The following KIF1B variants were observed in gnomAD, a reference collection of about 807,000 sequenced individuals.
KIF1B encodes the protein kinesin family member 1B, also known as kinesin-like protein KIF1B.
In KIF1B, 76 loss-of-function variants were observed where a neutral mutation model predicts 241.9. That is an observed-to-expected ratio of 0.31 (90% CI 0.26 to 0.38). The LOEUF is 0.38. Among genes scored for constraint, KIF1B ranks in the 10% least tolerant of loss-of-function variants. KIF1B has a pLI of 1.00. For synonymous variants in KIF1B, 750 were observed against 796.7 expected (o/e 0.94, Z 0.99); for missense variants, 1,622 against 2,271.4 (o/e 0.71, Z 5.81).
At chr1:10,229,149 T>G (rs1271657325) in intron 1 of KIF1B, among the ~76,000 whole-genome samples, 1 of 152,166 alleles carries the variant, frequency 6.6e-6, no homozygotes, top group East Asian at 1.9e-4. Flanking sequence ...CTCCATTGAT[T>G]GGGAAGGTTA....
intron 22 of KIF1B, chr1:10,305,443 A>T: frequency 9.4e-7 from 1 of 1,058,212 alleles, no homozygotes; most frequent in Non-Finnish European, 1.1e-6. Flanking sequence ...ATTCACCAAA[A>T]TCATGCCAAC....
intron 10 of KIF1B, among the ~76,000 whole-genome samples, chr1:10,273,855 A>G (rs1034182584): frequency 2.6e-5 from 4 of 151,326 alleles, no homozygotes; most frequent in African/African-American, 9.7e-5. Context: ...CTTGGATTAT[A>G]CCAGGACTGA....
intron 1 of KIF1B, among the ~76,000 whole-genome samples, chr1:10,213,737 G>T (rs535278150): frequency 1.3e-5 from 2 of 152,292 alleles, no homozygotes; most frequent in Admixed American, 6.5e-5. Flanking sequence ...TCTGGATTCT[G>T]TGAAACAGTG....
In KIF1B at chr1:10,297,006, G is replaced by T; in HGVS notation, c.1971G>T (p.Val657=). ...CTGCTGAGACCCCCTCTGAGCCTGT[G>T]GACTGGACATTTGCCCAGAGGGAGC... ...TPSAETPSEP[V]DWTFAQRELL... The change falls in exon 21 of 49, where the codon GTG becomes GTT. Residue 657 remains valine (V), a synonymous_variant. Transcript: ENST00000676179. 1 of 1,614,020 alleles carries T rather than the reference G, an allele frequency of 6.2e-7. No individual in the cohort carries two copies. Among genetic ancestry groups the T allele is most frequent in the Non-Finnish European group, 8.5e-7 (1 of 1,179,966 alleles).
intron 2 of KIF1B, among the ~76,000 whole-genome samples, chr1:10,233,724 T>C (rs1647012451): frequency 6.6e-6 from 1 of 151,246 alleles, no homozygotes; most frequent in Admixed American, 6.6e-5. Flanking sequence ...TTTTTTTTTT[T>C]CTTTTTTGAG....
chr1:10,256,401 C>A, intron 3 of KIF1B, 78 bp downstream of exon 3: 1 of 968,394 alleles, frequency 1.0e-6, no homozygotes, highest in Non-Finnish European at 1.7e-6. Context: ...TTTCTCTTAG[C>A]TGAGCAGATC....
At chr1:10,250,318 C>T (rs1647366662) in intron 2 of KIF1B, among the ~76,000 whole-genome samples, 1 of 151,636 alleles carries the variant, frequency 6.6e-6, no homozygotes, top group Admixed American at 6.6e-5. Context: ...TCGTAAAAAA[C>T]ACCTAAATAC....
intron 1 of KIF1B, among the ~76,000 whole-genome samples, chr1:10,229,135 C>T (rs1646946114): frequency 1.3e-5 from 2 of 152,052 alleles, no homozygotes; most frequent in South Asian, 4.1e-4. Flanking sequence ...GAATATAAGT[C>T]ATGCTCCATT....
intron 12 of KIF1B, among the ~76,000 whole-genome samples, chr1:10,277,281 T>TA (rs561759889): frequency 0.02 from 2,858 of 141,526 alleles, 37 homozygotes; most frequent in Non-Finnish European, 0.029. Context: ...CTCTGTCTCT[T>TA]AAAAAAAAAA....
Position 10,339,832 on chromosome 1 carries a change from T to C in KIF1B, c.3486T>C (p.Ser1162=). ...TEPLKNNGRG[S]PLAFYHVQNI... ...CCCTCAAAAACAATGGCAGAGGAAG[T>C]CCCCTGGCCTTTTATCATGTGCAGA... Residue 1162 remains serine (S), a synonymous_variant, in exon 32 of 49, where the codon AGT becomes AGC. Transcript: ENST00000676179. 6.2e-7 allele frequency: 1 copy of C among 1,614,082 alleles called. No homozygotes were observed. The highest frequency in any genetic ancestry group is 8.5e-7 in the Non-Finnish European group (1 of 1,179,966).
chr1:10,251,791 T>C (rs1647465730), intron 2 of KIF1B, among the ~76,000 whole-genome samples: 1 of 152,082 alleles, frequency 6.6e-6, no homozygotes, highest in South Asian at 2.1e-4. Context: ...TGCAGAGGCT[T>C]AAAAGTTTTT....
At chr1:10,214,340 A>G (rs1646734128) in intron 1 of KIF1B, among the ~76,000 whole-genome samples, 1 of 150,740 alleles carries the variant, frequency 6.6e-6, no homozygotes, top group African/African-American at 2.4e-5. Flanking sequence ...CCCAGGCTGG[A>G]GTGCATTGGT....
chr1:10,364,456 A>C (rs1329661888), intron 41 of KIF1B, among the ~76,000 whole-genome samples: 1 of 151,704 alleles, frequency 6.6e-6, no homozygotes, highest in South Asian at 2.1e-4. Flanking sequence ...AGCCCACCTC[A>C]GCCTCCCAAA....
At position 10,374,329 on chromosome 1, in the gene KIF1B, A is replaced by G. The variant is rs759619311; in HGVS notation, c.4960A>G (p.Asn1654Asp). Residue 1654 changes from asparagine to aspartate, a missense_variant, in exon 46 of 49, where the codon AAT (asparagine) becomes GAT (aspartate). Around this residue, in one of 7 missense-constraint regions of KIF1B, gnomAD observed 357 missense variants for 409.0 expected, o/e 0.87. Transcript: ENST00000676179. This position sits in a 1 kb window ranked among gnomAD's most constrained non-coding sequence, Gnocchi z 4.3. ...NSLDQKTPEA[N>D]SRASSPCPEF... ...TCTATTTTAAAGGACCCCAGAAGCCAATTCCCGGGCCTCTAGTCCCTGCCC... is the reference window on the plus strand; with the variant it reads ...TCTATTTTAAAGGACCCCAGAAGCCGATTCCCGGGCCTCTAGTCCCTGCCC... 1.9e-6 allele frequency: 3 copies of G among 1,614,134 alleles called. No homozygotes were observed. The South Asian group carries it at 3.3e-5, about 18-fold the overall frequency.
Position 10,337,279 on chromosome 1 carries a change from G to T in KIF1B, c.3259+76G>T. ...ATATTGACCATTATCAAGGGACATA[G>T]TGGCCTTCATCAACTAGGAATGGAA... is the stretch of plus-strand genomic sequence containing the variant. On this transcript the variant is annotated intron_variant, in intron 30 of 48. Coordinates refer to ENST00000676179, the MANE Select transcript of KIF1B (RefSeq NM_001365951.3). The surrounding 1 kb of genome is among the most constrained non-coding windows in gnomAD (Gnocchi z 4.0). 1.9e-6 allele frequency: 3 copies of T among 1,612,152 alleles called. No homozygotes were observed. The highest frequency in any genetic ancestry group is 2.5e-6 in the Non-Finnish European group (3 of 1,178,234).
intron 15 of KIF1B, 95 bp downstream of exon 15, chr1:10,282,628 G>A (rs1288247865): frequency 1.8e-5 from 19 of 1,037,266 alleles, no homozygotes; most frequent in East Asian, 1.7e-4. Flanking sequence ...CTCAGCATAT[G>A]GAGAACTCTT....
intron 1 of KIF1B, among the ~76,000 whole-genome samples, chr1:10,230,335 TC>T (rs1410239928): frequency 6.6e-6 from 1 of 152,214 alleles, no homozygotes; most frequent in Non-Finnish European, 1.5e-5. Flanking sequence ...TAATTACTTT[TC>T]TTTTTTAGAT....
rs767246662 is a variant in KIF1B at position 10,358,683 on chromosome 1, CAAAAAAAA to C, written c.4056-2235_4056-2228del. 4.0e-3 allele frequency among the ~76,000 whole-genome samples: 318 copies of C among 79,300 alleles called. 1 individual carries two copies. Among genetic ancestry groups the C allele is most frequent in the Non-Finnish European group, 6.3e-3 (220 of 34,842 alleles). 52.0% of individuals were successfully genotyped at this position (79,300 alleles called of 152,430 possible). ...GGGTGACAAAAGCAAGACTCTGTCT[CAAAAAAAA>C]AAAAAAAAAACAGATCTCACAATGA... On this transcript the variant is annotated intron_variant, in intron 38 of 48. Coordinates refer to ENST00000676179, the MANE Select transcript of KIF1B (RefSeq NM_001365951.3).
Position 10,341,908 on chromosome 1 carries a change from C to T in KIF1B, c.3514-142C>T. The T allele has an allele frequency of 2.1e-5, 14 of 672,920 alleles. No individual in the cohort carries two copies. In the South Asian group the frequency reaches 2.3e-4, roughly 11 times the overall value. 41.7% of individuals were successfully genotyped at this position (672,920 alleles called of 1,614,324 possible). A position where few individuals can be genotyped will look rare whatever the true frequency, so the allele number is the denominator to read the frequency against. Reference sequence around the variant, plus strand: ...ATTGCTTGAGCCCGGGAGGGTGAGGCCGCATGAGCCTTGTTTGCGTGCTAC... The same window carrying T: ...ATTGCTTGAGCCCGGGAGGGTGAGGTCGCATGAGCCTTGTTTGCGTGCTAC... On this transcript the variant is annotated intron_variant, in intron 32 of 48. Coordinates refer to ENST00000676179, the MANE Select transcript of KIF1B (RefSeq NM_001365951.3).
Sources: allele counts gnomAD v4.1 joint callset (sites outside exome capture counted in the v4.1 genomes callset), GRCh38; gene constraint gnomAD v4.1.1; regional missense constraint gnomAD v4.1.1; non-coding constraint Gnocchi (gnomAD v3.1); transcripts MANE v1.5; gene names NCBI Gene and HGNC (gene_info 2026-07-23, HGNC 2026-07-21).